Variants in LRRC1 observed in about 807,000 individuals in gnomAD.
LRRC1 encodes the protein leucine rich repeat containing 1.
Under a neutral mutation model 69.9 loss-of-function variants are expected in LRRC1, and 28 were observed. The observed-to-expected ratio is 0.40, with a 90% CI of 0.30 to 0.55. LRRC1 has a LOEUF of 0.55. Among genes scored for constraint, LRRC1 ranks in the 20% least tolerant of loss-of-function variants. LRRC1 has a pLI of 0.47. For synonymous variants in LRRC1, 236 were observed against 240.2 expected, an observed-to-expected ratio of 0.98 and a Z score of 0.16; for missense variants, 498 against 609.0, an observed-to-expected ratio of 0.82 and a Z score of 1.92.
chr6:53,923,109 T>A lies in LRRC1; in HGVS notation c.*316T>A, dbSNP rs1768788237. Reference sequence around the variant, plus strand: ...AAAGGAAAGCAGGAAGGGGAATTTTTATCCTCCTCCCTTCCGTAAAGTGCT... The same window carrying A: ...AAAGGAAAGCAGGAAGGGGAATTTTAATCCTCCTCCCTTCCGTAAAGTGCT... On this transcript the variant is annotated 3_prime_UTR_variant, in exon 14 of 14. Coordinates refer to ENST00000370888, the MANE Select transcript of LRRC1 (RefSeq NM_018214.5). 4.8e-6 allele frequency: 1 copy of A among 210,492 alleles called. No individual in the cohort carries two copies. Among genetic ancestry groups the A allele is most frequent in the African/African-American group, 2.3e-5 (1 of 43,824 alleles). The allele number at this position is 210,492 out of a possible 1,614,324, so 13.0% of individuals were successfully genotyped here.
intron 1 of LRRC1, among the ~76,000 whole-genome samples, chr6:53,840,931 T>TGTGTGC (rs1191801220): frequency 7.3e-5 from 9 of 123,938 alleles, no homozygotes; most frequent in African/African-American, 2.6e-4. Flanking sequence ...TGTGTGTGCG[T>TGTGTGC]GCGCGCACAT....
chr6:53,880,285 A>T lies in LRRC1; in HGVS notation c.356+1214A>T, dbSNP rs146932279. 3.3e-3 allele frequency among the ~76,000 whole-genome samples: 502 copies of T among 152,318 alleles called. 2 individuals are homozygous for T. The highest frequency in any genetic ancestry group is 0.011 in the African/African-American group (477 of 41,570). ...ATTTATTACTGAAAAATAGTAATCT[A>T]GTAAGCTATACCCTAATAGCTTTCT... On this transcript the variant is annotated intron_variant, in intron 3 of 13. Coordinates refer to ENST00000370888, the MANE Select transcript of LRRC1 (RefSeq NM_018214.5).
At chr6:53,825,978 C>A (rs1022091728) in intron 1 of LRRC1, among the ~76,000 whole-genome samples, 1 of 151,600 alleles carries the variant, frequency 6.6e-6, no homozygotes, top group African/African-American at 2.4e-5. Flanking sequence ...GGCTGAGTGT[C>A]CTTGAAGATT....
intron 11 of LRRC1, among the ~76,000 whole-genome samples, chr6:53,915,043 T>G (rs2820217): frequency 0.71 from 108,526 of 152,132 alleles, 39,985 homozygotes; most frequent in East Asian, 0.98. Context: ...CTGCAGAATG[T>G]CTTATATCAT....
At chr6:53,799,451 C>T (rs1581837117) in intron 1 of LRRC1, among the ~76,000 whole-genome samples, 4 of 152,328 alleles carry the variant, frequency 2.6e-5, no homozygotes, top group Admixed American at 2.6e-4. Flanking sequence ...TGTTTCTTAG[C>T]CGTCATAATT....
intron 1 of LRRC1, among the ~76,000 whole-genome samples, chr6:53,796,275 C>T (rs1305518329): frequency 6.6e-6 from 1 of 152,232 alleles, no homozygotes; most frequent in Non-Finnish European, 1.5e-5. Context: ...GCGACATGTG[C>T]TGATGGTGCT....
intron 4 of LRRC1, among the ~76,000 whole-genome samples, chr6:53,888,335 A>G (rs1234287651): frequency 6.6e-6 from 1 of 152,242 alleles, no homozygotes; most frequent in Non-Finnish European, 1.5e-5. Flanking sequence ...TTTATATATC[A>G]GCATTAAACA....
At chr6:53,814,713 A>G (rs1392790713) in intron 1 of LRRC1, among the ~76,000 whole-genome samples, 3 of 152,184 alleles carry the variant, frequency 2.0e-5, no homozygotes. Flanking sequence ...TTATTTTCAG[A>G]CATTTCAGTT....
chr6:53,816,887 T>A (rs761186278), intron 1 of LRRC1, among the ~76,000 whole-genome samples: 9 of 152,202 alleles, frequency 5.9e-5, no homozygotes, highest in Non-Finnish European at 1.2e-4. Context: ...TTCAACACAT[T>A]AGCTTCACTT....
intron 1 of LRRC1, among the ~76,000 whole-genome samples, chr6:53,826,699 C>T (rs184723648): frequency 1.5e-4 from 23 of 152,264 alleles, no homozygotes; most frequent in Non-Finnish European, 2.5e-4. Flanking sequence ...AGGTCCCCCT[C>T]CATGCCTCTT....
intron 2 of LRRC1, among the ~76,000 whole-genome samples, chr6:53,869,729 T>C (rs1766820898): frequency 7.3e-6 from 1 of 136,750 alleles, no homozygotes; most frequent in South Asian, 2.3e-4. Context: ...GTAAGGGAGA[T>C]TTACCATCAT....
At position 53,855,444 on chromosome 6, in the gene LRRC1, C is replaced by T. The variant is rs138705005; in HGVS notation, c.277+13217C>T. Among the ~76,000 whole-genome samples, 326 of 152,254 alleles carry T rather than the reference C, an allele frequency of 2.1e-3. 2 individuals are homozygous for T. The highest frequency in any genetic ancestry group is 7.5e-3 in the African/African-American group (312 of 41,534). On this transcript the variant is annotated intron_variant, in intron 2 of 13. Coordinates refer to ENST00000370888, the MANE Select transcript of LRRC1 (RefSeq NM_018214.5). ...AACACAGGCCCAACACAAAAGGTAGCCCAGAGCCAGTGGGGAAACCTAAGT... is the reference window on the plus strand; with the variant it reads ...AACACAGGCCCAACACAAAAGGTAGTCCAGAGCCAGTGGGGAAACCTAAGT...
chr6:53,797,169 A>G (rs2127400474), intron 1 of LRRC1, among the ~76,000 whole-genome samples: 1 of 151,830 alleles, frequency 6.6e-6, no homozygotes, highest in Admixed American at 6.6e-5. Context: ...ATAATTTCCC[A>G]TGCCAAGCCG....
chr6:53,837,506 T>C (rs1168655714), intron 1 of LRRC1, among the ~76,000 whole-genome samples: 1 of 152,138 alleles, frequency 6.6e-6, no homozygotes, highest in Non-Finnish European at 1.5e-5. Context: ...GGGAAGGAAA[T>C]CTGTGAGTAA....
intron 4 of LRRC1, 90 bp from the exon 5 acceptor site, chr6:53,896,408 C>A (rs1196419209): frequency 3.8e-6 from 4 of 1,063,266 alleles, no homozygotes; most frequent in Non-Finnish European, 5.8e-6. Context: ...TTAAGTGTTG[C>A]AACTTGTCCA....
At chr6:53,892,355 T>C (rs1271250188) in intron 4 of LRRC1, among the ~76,000 whole-genome samples, 1 of 152,190 alleles carries the variant, frequency 6.6e-6, no homozygotes, top group East Asian at 1.9e-4. Context: ...AAAATCGCAT[T>C]TGTAAAAGTT....
intron 1 of LRRC1, among the ~76,000 whole-genome samples, chr6:53,797,725 A>G (rs757538615): frequency 6.6e-5 from 10 of 152,202 alleles, no homozygotes; most frequent in East Asian, 5.8e-4. Flanking sequence ...TCCAGGTTTC[A>G]GTGTAATAAC....
At chr6:53,837,434 G>T (rs561384582) in intron 1 of LRRC1, among the ~76,000 whole-genome samples, 1 of 152,106 alleles carries the variant, frequency 6.6e-6, no homozygotes, top group Non-Finnish European at 1.5e-5. Flanking sequence ...GAGTAGGGAT[G>T]GTATGAGAGT....
In LRRC1 at chr6:53,890,467, G is replaced by C. The variant is rs571217586; in HGVS notation, c.447-6031G>C. Among the ~76,000 whole-genome samples the C allele has an allele frequency of 2.0e-5, 3 of 152,204 alleles. No individual in the cohort carries two copies. The East Asian group carries it at 5.8e-4, about 29-fold the overall frequency. ...CCTTGGGAATGGTGACCTTAATTTT[G>C]AGTGAGCTTGAACTAAGTGATCCAT... is the stretch of plus-strand genomic sequence containing the variant. On this transcript the variant is annotated intron_variant, in intron 4 of 13. Transcript: ENST00000370888.
Sources: allele counts gnomAD v4.1 joint callset (sites outside exome capture counted in the v4.1 genomes callset), GRCh38; gene constraint gnomAD v4.1.1; transcripts MANE v1.5; gene names NCBI Gene and HGNC (gene_info 2026-07-23, HGNC 2026-07-21).